The following CACNA1D variants were observed in gnomAD, a reference collection of about 807,000 sequenced individuals.
CACNA1D encodes the protein calcium voltage-gated channel subunit alpha1 D.
In CACNA1D, 55 loss-of-function variants were observed where a neutral mutation model predicts 257.1. The ratio of observed to expected loss-of-function variants is 0.21; its 90% confidence interval spans 0.17 to 0.27. The LOEUF (loss-of-function observed/expected upper bound fraction) is 0.27, where lower values mean the gene tolerates loss of function less well. Ranked by LOEUF, CACNA1D falls within the 10% of genes least tolerant of loss-of-function variation. The pLI, the probability that CACNA1D is intolerant of heterozygous loss-of-function variation, is 1.00. For synonymous variants in CACNA1D, 980 were observed against 1,014.9 expected, an observed-to-expected ratio of 0.97 and a Z score of 0.65; for missense variants, 1,876 against 2,784.0, an observed-to-expected ratio of 0.67 and a Z score of 7.34.
chr3:53,539,958 G>A (rs2092250570), intron 3 of CACNA1D, among the ~76,000 whole-genome samples: 1 of 152,056 alleles, frequency 6.6e-6, no homozygotes, highest in African/African-American at 2.4e-5. Flanking sequence ...ATCTTTTATT[G>A]ATTCATAGGC....
intron 20 of CACNA1D, 140 bp from the exon 21 acceptor site, chr3:53,740,140 C>A: frequency 2.6e-6 from 2 of 759,604 alleles, no homozygotes; most frequent in Non-Finnish European, 4.9e-6. Context: ...TCACCCGTGG[C>A]TCTGCACTTA....
chr3:53,733,930 TTGTG>T (rs397961374), intron 19 of CACNA1D, among the ~76,000 whole-genome samples: 25 of 134,044 alleles, frequency 1.9e-4, no homozygotes, highest in African/African-American at 3.2e-4. Context: ...GTGTGTGTGT[TTGTG>T]TGTGTGTGTG....
chr3:53,532,424 T>C (rs1272047293), intron 3 of CACNA1D, among the ~76,000 whole-genome samples: 1 of 152,144 alleles, frequency 6.6e-6, no homozygotes, highest in East Asian at 1.9e-4. Context: ...GTTTTTTCTA[T>C]CCCACTGAGG....
intron 39 of CACNA1D, among the ~76,000 whole-genome samples, chr3:53,782,112 C>T (rs972232940): frequency 2.0e-5 from 3 of 151,314 alleles, no homozygotes; most frequent in Non-Finnish European, 2.9e-5. Flanking sequence ...AATTTACTAC[C>T]GTAATTACCA....
chr3:53,624,373 C>A (rs2093732611), intron 3 of CACNA1D, among the ~76,000 whole-genome samples: 1 of 152,240 alleles, frequency 6.6e-6, no homozygotes, highest in Non-Finnish European at 1.5e-5. Flanking sequence ...AGATTCAGCA[C>A]ATTAGCTAGT....
In CACNA1D at chr3:53,595,049, T is replaced by A. The variant is rs983073759; in HGVS notation, c.484-55730T>A. ...TGCTATTGATTTCTTTCCTCAGGTTTCAATTGGTATTTTTTCCATGTTGTC... is the reference window on the plus strand; with the variant it reads ...TGCTATTGATTTCTTTCCTCAGGTTACAATTGGTATTTTTTCCATGTTGTC... On this transcript the variant is annotated intron_variant, in intron 3 of 47. Coordinates refer to ENST00000350061, the MANE Select transcript of CACNA1D (RefSeq NM_001128840.3). Among the ~76,000 whole-genome samples the A allele has an allele frequency of 5.3e-5, 8 of 152,360 alleles. No individual in the cohort carries two copies. In the East Asian group the frequency reaches 1.5e-3, roughly 29 times the overall value.
intron 5 of CACNA1D, among the ~76,000 whole-genome samples, chr3:53,663,342 A>G (rs2108348327): frequency 6.6e-6 from 1 of 151,814 alleles, no homozygotes; most frequent in African/African-American, 2.4e-5. Context: ...TTGAAGGTGG[A>G]GAGACAACAG....
At chr3:53,595,885 G>A (rs116449961) in intron 3 of CACNA1D, among the ~76,000 whole-genome samples, 2 of 152,288 alleles carry the variant, frequency 1.3e-5, no homozygotes, top group South Asian at 4.1e-4. Context: ...AGACAGATGG[G>A]CAGGGCAGGA....
intron 44 of CACNA1D, among the ~76,000 whole-genome samples, chr3:53,804,501 A>G (rs992669466): frequency 6.6e-6 from 1 of 151,966 alleles, no homozygotes; most frequent in Non-Finnish European, 1.5e-5. Flanking sequence ...CCCAACCCCC[A>G]GAAAAGAAAA....
intron 45 of CACNA1D, among the ~76,000 whole-genome samples, chr3:53,805,773 C>G (rs2095559799): frequency 7.1e-6 from 1 of 140,646 alleles, no homozygotes; most frequent in South Asian, 2.5e-4. Flanking sequence ...CTCATCTTCC[C>G]TCTTCCTCCC....
intron 42 of CACNA1D, among the ~76,000 whole-genome samples, chr3:53,801,689 A>G (rs1054107482): frequency 2.0e-5 from 3 of 152,194 alleles, no homozygotes; most frequent in Non-Finnish European, 1.5e-5. Flanking sequence ...AGCAGCCACA[A>G]AATCCACCTC....
At chr3:53,554,233 A>G (rs1280273911) in intron 3 of CACNA1D, among the ~76,000 whole-genome samples, 2 of 151,980 alleles carry the variant, frequency 1.3e-5, no homozygotes, top group Non-Finnish European at 2.9e-5. Flanking sequence ...CATACAAATC[A>G]TATTTGTGTC....
chr3:53,719,739 T>A lies in CACNA1D; in HGVS notation c.1479-16T>A, dbSNP rs777691288. 6.2e-7 allele frequency: 1 copy of A among 1,612,914 alleles called. No homozygotes were observed. The highest frequency in any genetic ancestry group is 8.5e-7 in the Non-Finnish European group (1 of 1,178,858). The stretch of plus-strand genomic sequence containing the variant: ...CCTCGGAACCAGAATCTTAACACTT[T>A]TTGTCTTTCTTTCAGTCAAGCCATC... On this transcript the variant is annotated splice_polypyrimidine_tract_variant and intron_variant, in intron 10 of 47. Transcript: ENST00000350061.
At chr3:53,519,234 C>T (rs994942778) in intron 3 of CACNA1D, among the ~76,000 whole-genome samples, 2 of 152,172 alleles carry the variant, frequency 1.3e-5, no homozygotes, top group Non-Finnish European at 2.9e-5. Flanking sequence ...AGCTGTCATT[C>T]AGGTTATTTA....
chr3:53,508,110 A>G (rs1218561106), intron 3 of CACNA1D, among the ~76,000 whole-genome samples: 1 of 152,192 alleles, frequency 6.6e-6, no homozygotes, highest in East Asian at 1.9e-4. Context: ...GCTCATTTTG[A>G]GGAGGGCATG....
intron 3 of CACNA1D, among the ~76,000 whole-genome samples, chr3:53,531,198 G>T (rs1262983823): frequency 2.0e-5 from 3 of 152,068 alleles, no homozygotes; most frequent in Non-Finnish European, 4.4e-5. Flanking sequence ...CCTTCAGGAA[G>T]CCTTCCCTAA....
chr3:53,706,727 T>A (rs186017138), intron 9 of CACNA1D, among the ~76,000 whole-genome samples: 2 of 152,228 alleles, frequency 1.3e-5, no homozygotes, highest in Admixed American at 1.3e-4. Context: ...CCGAAAAGTG[T>A]ACATTATACC....
intron 3 of CACNA1D, among the ~76,000 whole-genome samples, chr3:53,644,619 G>A (rs77168053): frequency 0.028 from 4,309 of 152,158 alleles, 74 homozygotes; most frequent in East Asian, 0.071. Context: ...TGTCCTCTAG[G>A]TTCACCCATG....
At chr3:53,627,397 C>T (rs185083594) in intron 3 of CACNA1D, among the ~76,000 whole-genome samples, 46 of 152,296 alleles carry the variant, frequency 3.0e-4, no homozygotes, top group Admixed American at 7.8e-4. Context: ...AGCGGAGCAG[C>T]GGTTCAGGAC....
Sources: allele counts gnomAD v4.1 joint callset (sites outside exome capture counted in the v4.1 genomes callset), GRCh38; gene constraint gnomAD v4.1.1; transcripts MANE v1.5; gene names NCBI Gene and HGNC (gene_info 2026-07-23, HGNC 2026-07-21).